The following KCNS3 variants were observed in gnomAD, a reference collection of about 807,000 sequenced individuals.
KCNS3 encodes the protein delayed-rectifier potassium channel regulatory subunit KCNS3.
A neutral mutation model predicts 31.0 loss-of-function variants in KCNS3; 13 were observed. The observed-to-expected ratio is 0.42, with a 90% CI of 0.27 to 0.67. The LOEUF (loss-of-function observed/expected upper bound fraction) is 0.67. KCNS3 is among the 30% of genes least tolerant of loss of function. The probability of loss-of-function intolerance (pLI) is 0.25; values close to 1 mark genes in which losing one functional copy is unlikely to be tolerated. For synonymous variants in KCNS3, 238 were observed against 241.5 expected, an observed-to-expected ratio of 0.99 and a Z score of 0.13; for missense variants, 545 against 622.4, an observed-to-expected ratio of 0.88 and a Z score of 1.32.
rs201654025 is a variant in KCNS3 at position 17,931,837 on chromosome 2, G to A, written c.829G>A (p.Glu277Lys). 4.3e-6 allele frequency: 7 copies of A among 1,614,082 alleles called. No homozygotes were observed. Among genetic ancestry groups the A allele is most frequent in the Non-Finnish European group, 5.9e-6 (7 of 1,180,054 alleles). The change falls in exon 3 of 3, where the codon GAA becomes AAA. Residue 277 changes from glutamate to lysine, a missense_variant. Coordinates refer to ENST00000304101, the MANE Select transcript of KCNS3 (RefSeq NM_002252.5). This position sits in a 1 kb window ranked among gnomAD's most constrained non-coding sequence, Gnocchi z 5.4. The stretch of plus-strand genomic sequence containing the variant: ...CACGTTGGCTGTAGACACCAAGGAG[G>A]AAGAGAGTGAGGATATTGAGAACAT... Reference protein sequence around the residue: ...YATLAVDTKEEESEDIENMGK... With the variant: ...YATLAVDTKEKESEDIENMGK...
chr2:17,902,217 T>G (rs1662192826), intron 1 of KCNS3, among the ~76,000 whole-genome samples: 1 of 152,130 alleles, frequency 6.6e-6, no homozygotes, highest in Non-Finnish European at 1.5e-5. Flanking sequence ...GAGATGCCCT[T>G]AGCAAAAACG....
chr2:17,907,174 T>A (rs1311024926), intron 1 of KCNS3, among the ~76,000 whole-genome samples: 1 of 142,582 alleles, frequency 7.0e-6, no homozygotes, highest in Non-Finnish European at 1.6e-5. Context: ...TTAAGATAGT[T>A]AGCTCTTCTT....
At chr2:17,910,108 T>C (rs996265413) in intron 1 of KCNS3, among the ~76,000 whole-genome samples, 1 of 152,252 alleles carries the variant, frequency 6.6e-6, no homozygotes, top group Non-Finnish European at 1.5e-5. Context: ...TCCAGTTATG[T>C]TGAAATGCAA....
At chr2:17,914,019 G>A (rs1380188015) in intron 1 of KCNS3, among the ~76,000 whole-genome samples, 1 of 152,216 alleles carries the variant, frequency 6.6e-6, no homozygotes, top group Non-Finnish European at 1.5e-5. Context: ...GCTAGCTGCT[G>A]CCAGGAGGGT....
chr2:17,901,592 G>C (rs1662174251), intron 1 of KCNS3, among the ~76,000 whole-genome samples: 1 of 152,164 alleles, frequency 6.6e-6, no homozygotes, highest in African/African-American at 2.4e-5. Context: ...AGGGAGACTG[G>C]GCTGGAGATG....
chr2:17,880,869 C>T (rs1319152776), intron 1 of KCNS3, among the ~76,000 whole-genome samples: 1 of 152,240 alleles, frequency 6.6e-6, no homozygotes, highest in Non-Finnish European at 1.5e-5. Context: ...TAATTCTTCA[C>T]AGACGTGCAT....
chr2:17,906,463 A>G (rs545447301), intron 1 of KCNS3, among the ~76,000 whole-genome samples: 1 of 151,858 alleles, frequency 6.6e-6, no homozygotes, highest in African/African-American at 2.4e-5. Flanking sequence ...TATCTCCTTC[A>G]GTTCTTCTGT....
intron 1 of KCNS3, among the ~76,000 whole-genome samples, chr2:17,896,977 T>A (rs1662043680): frequency 1.3e-5 from 2 of 152,198 alleles, no homozygotes; most frequent in Non-Finnish European, 2.9e-5. Flanking sequence ...TGGGGTATGA[T>A]GGGACCAGTT....
chr2:17,906,238 T>G (rs1662311376), intron 1 of KCNS3, among the ~76,000 whole-genome samples: 1 of 152,266 alleles, frequency 6.6e-6, no homozygotes, highest in African/African-American at 2.4e-5. Context: ...ATTTTCTAGT[T>G]TATTTGCATA....
At chr2:17,879,236 T>G (rs901765496) in intron 1 of KCNS3, 1 of 152,258 alleles carries the variant, frequency 6.6e-6, no homozygotes. Flanking sequence ...GGCGTTTCCT[T>G]GGCCGGGAAG....
intron 1 of KCNS3, among the ~76,000 whole-genome samples, chr2:17,897,145 A>AT (rs1478309343): frequency 6.6e-6 from 1 of 151,946 alleles, no homozygotes; most frequent in Non-Finnish European, 1.5e-5. Context: ...AACATGTGGT[A>AT]TTTGATTTTC....
At chr2:17,880,852 T>G (rs1308137269) in intron 1 of KCNS3, among the ~76,000 whole-genome samples, 1 of 152,238 alleles carries the variant, frequency 6.6e-6, no homozygotes, top group African/African-American at 2.4e-5. Context: ...GGTTTTGCCC[T>G]TCACTGTAAT....
intron 1 of KCNS3, among the ~76,000 whole-genome samples, chr2:17,907,360 C>T (rs750165424): frequency 7.2e-5 from 11 of 152,228 alleles, no homozygotes; most frequent in Non-Finnish European, 1.2e-4. Flanking sequence ...TGTCTCTGCA[C>T]GTGAGATGGG....
intron 1 of KCNS3, among the ~76,000 whole-genome samples, chr2:17,885,396 G>A (rs1661621746): frequency 6.6e-6 from 1 of 152,178 alleles, no homozygotes; most frequent in African/African-American, 2.4e-5. Flanking sequence ...GAACCCATTT[G>A]TGTTAGAGTT....
In KCNS3 at chr2:17,931,151, A is replaced by G. The variant is rs150081174; in HGVS notation, c.143A>G (p.His48Arg). The G allele has an allele frequency of 2.0e-4, 321 of 1,614,158 alleles. No individual in the cohort carries two copies. The African/African-American group carries it at 3.4e-3, about 17-fold the overall frequency. ...AGACTGGGGAAGCTGCTTACTTGCCATTCTGAAGAGGCCATTCTGGAGCTG... is the reference window on the plus strand; with the variant it reads ...AGACTGGGGAAGCTGCTTACTTGCCGTTCTGAAGAGGCCATTCTGGAGCTG... ...HTRLGKLLTCHSEEAILELCD... is the reference protein window; with the variant it reads ...HTRLGKLLTCRSEEAILELCD... Residue 48 changes from histidine to arginine, a missense_variant, in exon 3 of 3, where the codon CAT (histidine) becomes CGT (arginine). Coordinates refer to ENST00000304101, the MANE Select transcript of KCNS3 (RefSeq NM_002252.5). The surrounding 1 kb of genome is among the most constrained non-coding windows in gnomAD (Gnocchi z 5.4).
intron 1 of KCNS3, 77 bp from the exon 2 acceptor site, chr2:17,917,603 G>GT (rs1662617985): frequency 6.6e-6 from 1 of 152,344 alleles, no homozygotes; most frequent in African/African-American, 2.4e-5. Flanking sequence ...AGTGCCCAGA[G>GT]TGTTGATCCT....
chr2:17,930,443 A>AGAGCT (rs1268462194), intron 2 of KCNS3, among the ~76,000 whole-genome samples: 2 of 152,210 alleles, frequency 1.3e-5, no homozygotes, highest in Non-Finnish European at 2.9e-5. Context: ...ATCCTTTGTA[A>AGAGCT]GAGCTGAGCT....
intron 1 of KCNS3, among the ~76,000 whole-genome samples, chr2:17,902,628 T>C (rs1235926174): frequency 6.6e-6 from 1 of 152,136 alleles, no homozygotes; most frequent in African/African-American, 2.4e-5. Context: ...TTAAATGCAT[T>C]TTTTACTAGT....
intron 1 of KCNS3, among the ~76,000 whole-genome samples, chr2:17,907,630 C>T (rs957569626): frequency 9.9e-5 from 15 of 152,248 alleles, no homozygotes; most frequent in Admixed American, 3.9e-4. Context: ...GTGCTTCCTT[C>T]AGGAGCTCTT....
Sources: allele counts gnomAD v4.1 joint callset (sites outside exome capture counted in the v4.1 genomes callset), GRCh38; gene constraint gnomAD v4.1.1; non-coding constraint Gnocchi (gnomAD v3.1); transcripts MANE v1.5; gene names NCBI Gene and HGNC (gene_info 2026-07-23, HGNC 2026-07-21).